EVC: variants seen among roughly 807,000 people sequenced by gnomAD.
EVC encodes the protein EvC ciliary complex subunit 1.
A neutral mutation model predicts 118.9 loss-of-function variants in EVC; 116 were observed. The ratio of observed to expected loss-of-function variants is 0.98; its 90% confidence interval spans 0.84 to 1.14. The LOEUF (loss-of-function observed/expected upper bound fraction) is 1.14. Ranked by LOEUF, EVC falls within the 50% of genes most tolerant of loss-of-function variation. EVC has a pLI of 0.00. For synonymous variants in EVC, 619 were observed against 534.7 expected (o/e 1.16, Z -2.18); for missense variants, 1,401 against 1,246.4 (o/e 1.12, Z -1.87).
rs181600704 is a variant in EVC, at chr4:5,717,787, A to G, written c.175-1461A>G. On this transcript the variant is annotated intron_variant, in intron 1 of 20. Coordinates refer to ENST00000264956, the MANE Select transcript of EVC (RefSeq NM_153717.3). ...TCCTTCTCAAATGCCGCTTTGTCCA[A>G]GAGACTTTGTCTCCCATCATCCTTC... 4.2e-3 allele frequency among the ~76,000 whole-genome samples: 644 copies of G among 152,320 alleles called. 1 individual carries two copies. The highest frequency in any genetic ancestry group is 0.014 in the Middle Eastern group (4 of 294).
the EVC span, among the ~76,000 whole-genome samples, chr4:5,820,276 CCACTATCGT>C: frequency 1.3e-5 from 2 of 152,098 alleles, no homozygotes; most frequent in African/African-American, 2.4e-5. Context: ...ATCATCATCA[CCACTATCGT>C]CACCATCATC....
intron 16 of EVC, among the ~76,000 whole-genome samples, 172 bp from the exon 17 acceptor site, chr4:5,804,558 G>A (rs536759363): frequency 6.6e-6 from 1 of 152,162 alleles, no homozygotes; most frequent in East Asian, 1.9e-4. Context: ...CCTGGTCCAT[G>A]ATGGAAGCTG....
At chr4:5,720,289 C>G (rs893316897) in intron 2 of EVC, among the ~76,000 whole-genome samples, 1 of 152,172 alleles carries the variant, frequency 6.6e-6, no homozygotes, top group Non-Finnish European at 1.5e-5. Flanking sequence ...TGAATGATCT[C>G]GTGCCCTTCT....
chr4:5,711,456 G>A lies in EVC; in HGVS notation c.76G>A (p.Ala26Thr). Residue 26 changes from alanine (A) to threonine (T), a missense_variant, in exon 1 of 21, where the codon GCC becomes ACC. Coordinates refer to ENST00000264956, the MANE Select transcript of EVC (RefSeq NM_153717.3). ...LGRDALRPAPALLAPAVLLGA... is the reference protein window; with the variant it reads ...LGRDALRPAPTLLAPAVLLGA... ...GCGGGACGCGCTGCGGCCGGCGCCCGCCCTGCTGGCCCCCGCCGTGCTGCT... is the reference window on the plus strand; with the variant it reads ...GCGGGACGCGCTGCGGCCGGCGCCCACCCTGCTGGCCCCCGCCGTGCTGCT... The A allele has an allele frequency of 9.6e-7, 1 of 1,038,172 alleles. No individual in the cohort carries two copies. The allele number at this position is 1,038,172 out of a possible 1,614,324, so 64.3% of individuals were successfully genotyped here.
intron 11 of EVC, among the ~76,000 whole-genome samples, chr4:5,772,384 A>G (rs559908471): frequency 8.0e-4 from 121 of 152,130 alleles, no homozygotes; most frequent in African/African-American, 2.9e-3. Flanking sequence ...AGACCAGGTT[A>G]TGGGCCCATT....
At chr4:5,720,867 G>T (rs1041800244) in intron 2 of EVC, among the ~76,000 whole-genome samples, 8 of 137,896 alleles carry the variant, frequency 5.8e-5, no homozygotes, top group African/African-American at 1.9e-4. Flanking sequence ...GACATTACTA[G>T]GCAGGAAAAT....
At chr4:5,810,726 G>A (rs1172310311) in intron 20 of EVC, among the ~76,000 whole-genome samples, 1 of 152,100 alleles carries the variant, frequency 6.6e-6, no homozygotes, top group Non-Finnish European at 1.5e-5. Flanking sequence ...CTGAAGTGTT[G>A]GGCAGTCCCT....
chr4:5,741,092 G>T (rs1446854400), intron 5 of EVC, among the ~76,000 whole-genome samples: 1 of 152,158 alleles, frequency 6.6e-6, no homozygotes, highest in Non-Finnish European at 1.5e-5. Context: ...GCATTTGTGG[G>T]CATTTATCTC....
chr4:5,825,826 C>A, the EVC span: 2 of 645,446 alleles, frequency 3.1e-6, no homozygotes, highest in Non-Finnish European at 2.7e-6. This position sits in a 1 kb window ranked among gnomAD's most constrained non-coding sequence, Gnocchi z 4.4. Context: ...CACACACATG[C>A]AGCCGCACAC....
chr4:5,741,467 C>T (rs898533158), intron 5 of EVC, among the ~76,000 whole-genome samples: 3 of 152,138 alleles, frequency 2.0e-5, no homozygotes, highest in Non-Finnish European at 2.9e-5. Flanking sequence ...TTGTTGAATA[C>T]ATGCATGAGG....
chr4:5,717,024 T>C (rs1023050472), intron 1 of EVC, among the ~76,000 whole-genome samples: 4 of 152,202 alleles, frequency 2.6e-5, no homozygotes, highest in Non-Finnish European at 4.4e-5. Flanking sequence ...GTCCTTTTGA[T>C]CGAGAATCAT....
At chr4:5,765,833 C>T (rs962917964) in intron 11 of EVC, among the ~76,000 whole-genome samples, 1 of 150,482 alleles carries the variant, frequency 6.6e-6, no homozygotes, top group Non-Finnish European at 1.5e-5. Flanking sequence ...GTACAGCACA[C>T]TGATGGGTCT....
In EVC at chr4:5,753,988, C is replaced by T. The variant is rs1202639441; in HGVS notation, c.1464+55C>T. On this transcript the variant is annotated intron_variant, in intron 10 of 20. Transcript: ENST00000264956. ...TGGGTGAGCCAGTTGTAGCTCTGTTCCCGTGACTGAGCACGGGACGCCGGA... is the reference window on the plus strand; with the variant it reads ...TGGGTGAGCCAGTTGTAGCTCTGTTTCCGTGACTGAGCACGGGACGCCGGA... 2.5e-6 allele frequency: 4 copies of T among 1,607,766 alleles called. No homozygotes were observed. The South Asian group carries it at 4.4e-5, about 18-fold the overall frequency.
At position 5,749,031 on chromosome 4, in the gene EVC, T is replaced by G. The variant is rs1464896834; in HGVS notation, c.1098+725T>G. On this transcript the variant is annotated intron_variant, in intron 8 of 20. Coordinates refer to ENST00000264956, the MANE Select transcript of EVC (RefSeq NM_153717.3). The surrounding 1 kb of genome is among the most constrained non-coding windows in gnomAD (Gnocchi z 4.4). ...GCTCCCCAATGACGATGGTGGGAGC[T>G]GGGGTTGACGCCCACTGGTGTAGAC... Among the ~76,000 whole-genome samples the G allele has an allele frequency of 6.6e-6, 1 of 152,004 alleles. No homozygotes were observed. Among genetic ancestry groups the G allele is most frequent in the Non-Finnish European group, 1.5e-5 (1 of 67,988 alleles).
chr4:5,756,490 C>G lies in EVC; in HGVS notation c.1563+128C>G. On this transcript the variant is annotated intron_variant, in intron 11 of 20. Coordinates refer to ENST00000264956, the MANE Select transcript of EVC (RefSeq NM_153717.3). The surrounding 1 kb of genome is among the most constrained non-coding windows in gnomAD (Gnocchi z 4.2). ...AACCCCGCACTCATTGGCCGGTGAT[C>G]CACGCAGGCTGTGTCCCCTCCATGC... The G allele has an allele frequency of 1.3e-6, 1 of 766,734 alleles. No homozygotes were observed. The allele number at this position is 766,734 out of a possible 1,614,324, so 47.5% of individuals were successfully genotyped here.
In EVC at chr4:5,810,454, T is replaced by A. The variant is rs746636411; in HGVS notation, c.2894+4T>A. ...ACCAGACCTCAGGCTCACTCAGGTA[T>A]GACTGGGCCCCGGACCTGTTGCCTG... On this transcript the variant is annotated splice_donor_region_variant and intron_variant, in intron 20 of 20. Transcript: ENST00000264956. 1 of 1,607,144 alleles carries A rather than the reference T, an allele frequency of 6.2e-7. No homozygotes were observed. The highest frequency in any genetic ancestry group is 1.1e-5 in the South Asian group (1 of 89,330).
At chr4:5,823,894 G>A in the EVC span, among the ~76,000 whole-genome samples, 6 of 152,158 alleles carry the variant, frequency 3.9e-5, no homozygotes, top group South Asian at 2.1e-4. Flanking sequence ...CGTAACATAC[G>A]CAGATATTAA....
intron 2 of EVC, among the ~76,000 whole-genome samples, chr4:5,725,939 TG>T (rs1290159452): frequency 1.3e-5 from 2 of 152,212 alleles, no homozygotes; most frequent in African/African-American, 4.8e-5. Flanking sequence ...CAAGTCTTTT[TG>T]TGAGTTGTAA....
In EVC at chr4:5,711,474, G is replaced by T; in HGVS notation, c.94G>T (p.Val32Leu). 1 of 1,080,596 alleles carries T rather than the reference G, an allele frequency of 9.3e-7. No individual in the cohort carries two copies. Among genetic ancestry groups the T allele is most frequent in the Non-Finnish European group, 1.1e-6 (1 of 893,860 alleles). The allele number at this position is 1,080,596 out of a possible 1,614,324, so 66.9% of individuals were successfully genotyped here. A position where few individuals can be genotyped will look rare whatever the true frequency, so the allele number is the denominator to read the frequency against. ...GGCGCCCGCCCTGCTGGCCCCCGCC[G>T]TGCTGCTGGGCGCCGCGCTCGGCCT... is the stretch of plus-strand genomic sequence containing the variant. ...RPAPALLAPA[V>L]LLGAALGLGL... The change falls in exon 1 of 21, where the codon GTG (valine) becomes TTG (leucine). Residue 32 changes from valine to leucine, a missense_variant. By Grantham distance (32) the Val-to-Leu change is conservative (BLOSUM62 1). Coordinates refer to ENST00000264956, the MANE Select transcript of EVC (RefSeq NM_153717.3).
Sources: allele counts gnomAD v4.1 joint callset (sites outside exome capture counted in the v4.1 genomes callset), GRCh38; gene constraint gnomAD v4.1.1; non-coding constraint Gnocchi (gnomAD v3.1); transcripts MANE v1.5; gene names NCBI Gene and HGNC (gene_info 2026-07-23, HGNC 2026-07-21).